Variants in FBXL7 observed in about 807,000 individuals in gnomAD.
The protein encoded by FBXL7 is F-box and leucine rich repeat protein 7, also known as F-box/LRR-repeat protein 7.
FBXL7 carries 12 observed loss-of-function variants against 38.3 expected under a neutral mutation model. The observed-to-expected ratio is 0.31, with a 90% CI of 0.20 to 0.51. The LOEUF is 0.51. Among genes scored for constraint, FBXL7 ranks in the 20% least tolerant of loss-of-function variants. FBXL7 has a pLI of 0.98. For synonymous variants in FBXL7, 297 were observed against 300.9 expected (o/e 0.99, Z 0.13); for missense variants, 567 against 676.4 (o/e 0.84, Z 1.79).
At chr5:15,691,609 T>A (rs2126622638) in intron 2 of FBXL7, among the ~76,000 whole-genome samples, 1 of 152,326 alleles carries the variant, frequency 6.6e-6, no homozygotes, top group African/African-American at 2.4e-5. Context: ...TGATGCCTGT[T>A]ACCTTTTGCC....
chr5:15,579,057 CAG>C (rs1209956424), intron 1 of FBXL7, among the ~76,000 whole-genome samples: 2 of 152,200 alleles, frequency 1.3e-5, no homozygotes, highest in Non-Finnish European at 2.9e-5. Flanking sequence ...TGAGATTTAA[CAG>C]TGTCACGTTC....
intron 2 of FBXL7, among the ~76,000 whole-genome samples, chr5:15,783,025 G>A (rs1737038693): frequency 6.6e-6 from 1 of 152,158 alleles, no homozygotes; most frequent in African/African-American, 2.4e-5. Flanking sequence ...TGGCCAATGT[G>A]CAAGCAGAGA....
chr5:15,766,530 T>G (rs1206209591), intron 2 of FBXL7, among the ~76,000 whole-genome samples: 1 of 152,212 alleles, frequency 6.6e-6, no homozygotes, highest in Non-Finnish European at 1.5e-5. Flanking sequence ...GAATATAAGT[T>G]AGTAGCCAGG....
intron 2 of FBXL7, among the ~76,000 whole-genome samples, chr5:15,896,761 GA>G (rs397944731): frequency 5.5e-4 from 78 of 141,024 alleles, no homozygotes; most frequent in South Asian, 1.6e-3. Context: ...AACATGAGAA[GA>G]AAAAAAAAAA....
At position 15,939,330 on chromosome 5, in the gene FBXL7, AG is replaced by A. The variant is rs1459979794; in HGVS notation, c.*2146del. 1 of 322,376 alleles carries A rather than the reference AG, an allele frequency of 3.1e-6. No individual in the cohort carries two copies. Among genetic ancestry groups the A allele is most frequent in the African/African-American group, 2.1e-5 (1 of 47,002 alleles). 20.0% of individuals were successfully genotyped at this position (322,376 alleles called of 1,614,324 possible). Reference sequence around the variant, plus strand: ...AAGTTTCAGGATTTGGGTGTCACAAAGGATTGTCCCTAATCCTTGGCCCTGG... The same window carrying A: ...AAGTTTCAGGATTTGGGTGTCACAAAGATTGTCCCTAATCCTTGGCCCTGG... On this transcript the variant is annotated 3_prime_UTR_variant, in exon 4 of 4. Coordinates refer to ENST00000504595, the MANE Select transcript of FBXL7 (RefSeq NM_012304.5).
chr5:15,837,929 C>G (rs2126780428), intron 2 of FBXL7, among the ~76,000 whole-genome samples: 1 of 152,210 alleles, frequency 6.6e-6, no homozygotes. Context: ...CAGCACAATA[C>G]AGAACTATAA....
intron 1 of FBXL7, among the ~76,000 whole-genome samples, chr5:15,584,203 A>T (rs1219423115): frequency 6.6e-6 from 1 of 152,134 alleles, no homozygotes. Context: ...CAGGCCTGTG[A>T]TGGGAGGGAC....
intron 1 of FBXL7, among the ~76,000 whole-genome samples, chr5:15,563,995 C>G (rs938004771): frequency 6.6e-6 from 1 of 152,026 alleles, no homozygotes; most frequent in African/African-American, 2.4e-5. Flanking sequence ...AAAATAAATT[C>G]ATGTCTTATG....
At chr5:15,878,447 A>T (rs186245243) in intron 2 of FBXL7, among the ~76,000 whole-genome samples, 1 of 152,192 alleles carries the variant, frequency 6.6e-6, no homozygotes, top group African/African-American at 2.4e-5. Context: ...CTCTGCATGA[A>T]GATGGACCAG....
chr5:15,615,808 T>G (rs1305313173), intron 1 of FBXL7, among the ~76,000 whole-genome samples, 175 bp from the exon 2 acceptor site: 1 of 152,216 alleles, frequency 6.6e-6, no homozygotes, highest in Non-Finnish European at 1.5e-5. Context: ...GGATCAGATA[T>G]TTCCCAAAAG....
chr5:15,542,946 G>T (rs1737797218), intron 1 of FBXL7, among the ~76,000 whole-genome samples: 1 of 152,162 alleles, frequency 6.6e-6, no homozygotes, highest in South Asian at 2.1e-4. Context: ...ATCAGGCAGG[G>T]AATGGGGTGA....
intron 2 of FBXL7, among the ~76,000 whole-genome samples, chr5:15,734,755 T>C (rs1284885064): frequency 6.6e-6 from 1 of 152,196 alleles, no homozygotes; most frequent in African/African-American, 2.4e-5. Context: ...CGTTTCACAA[T>C]TGAAAGCATG....
intron 2 of FBXL7, among the ~76,000 whole-genome samples, chr5:15,787,731 G>C (rs767942256): frequency 6.6e-6 from 1 of 152,160 alleles, no homozygotes; most frequent in Non-Finnish European, 1.5e-5. Flanking sequence ...TAAATTTAGA[G>C]AGGAAAGAAA....
chr5:15,715,048 A>G (rs1743999019), intron 2 of FBXL7, among the ~76,000 whole-genome samples: 2 of 152,120 alleles, frequency 1.3e-5, no homozygotes, highest in South Asian at 4.1e-4. Flanking sequence ...CAGTCCTGCC[A>G]ACACCTTGAT....
At chr5:15,534,330 C>G (rs762927200) in intron 1 of FBXL7, among the ~76,000 whole-genome samples, 1 of 150,916 alleles carries the variant, frequency 6.6e-6, no homozygotes, top group African/African-American at 2.4e-5. Context: ...TCTGCCTATT[C>G]TCTCCCTAAC....
chr5:15,905,769 T>C (rs1221246002), intron 2 of FBXL7, among the ~76,000 whole-genome samples: 1 of 152,072 alleles, frequency 6.6e-6, no homozygotes, highest in Admixed American at 6.6e-5. Context: ...TATTGTGATG[T>C]GGCTTGGGGG....
chr5:15,730,335 C>T (rs1007407200), intron 2 of FBXL7, among the ~76,000 whole-genome samples: 9 of 152,056 alleles, frequency 5.9e-5, no homozygotes, highest in African/African-American at 4.8e-5. Flanking sequence ...GAAAATGTGC[C>T]GCCCACGTAT....
At chr5:15,675,644 A>C (rs1037440564) in intron 2 of FBXL7, among the ~76,000 whole-genome samples, 3 of 152,220 alleles carry the variant, frequency 2.0e-5, no homozygotes, top group African/African-American at 4.8e-5. Flanking sequence ...CACTGATCAC[A>C]GATTTGTTGG....
chr5:15,580,526 T>A (rs550397126), intron 1 of FBXL7: 374 of 624,602 alleles, frequency 6.0e-4, no homozygotes, highest in Admixed American at 1.3e-3. Flanking sequence ...AGAGTTTTAG[T>A]CTCTGTTCCT....
Sources: gnomAD v4.1 joint callset for allele counts (sites outside exome capture counted in the v4.1 genomes callset) on GRCh38, gnomAD v4.1.1 for gene constraint, MANE v1.5 for transcripts, NCBI Gene and HGNC (gene_info 2026-07-23, HGNC 2026-07-21) for gene names.